Variants in ELMO3 observed in about 807,000 individuals in gnomAD.
ELMO3 encodes engulfment and cell motility 3.
In ELMO3, 81 loss-of-function variants were observed where a neutral mutation model predicts 89.0. The observed-to-expected ratio is 0.91, with a 90% confidence interval of 0.76 to 1.09. The LOEUF (loss-of-function observed/expected upper bound fraction) is 1.09. ELMO3 is among the 50% of genes least tolerant of loss of function. The pLI is 0.00. For synonymous variants in ELMO3, 406 were observed against 400.6 expected (o/e 1.01, Z -0.16); for missense variants, 959 against 972.8 (o/e 0.99, Z 0.19).
rs374851839 is a variant in ELMO3, at chr16:67,203,802, C to T, written c.2088C>T (p.Pro696=). The T allele has an allele frequency of 1.8e-4, 289 of 1,611,700 alleles. No individual in the cohort carries two copies. Among genetic ancestry groups the T allele is most frequent in the Non-Finnish European group, 2.2e-4 (256 of 1,179,432 alleles). The part of the protein sequence containing the change: ...RLLELENVPI[P]ERPPPVPPPP... ...TGGAGCTGGAGAACGTGCCCATCCC[C>T]GAGCGGCCACCCCCTGTGCCCCCAC... Residue 696 remains proline, a synonymous_variant, in exon 20 of 20, where the codon CCC becomes CCT. Transcript: ENST00000393997. The surrounding 1 kb of genome is among the most constrained non-coding windows in gnomAD (Gnocchi z 4.6).
chr16:67,200,728 T>C lies in ELMO3; in HGVS notation c.585T>C (p.Ser195=), dbSNP rs770715733. 4 of 1,613,274 alleles carry C rather than the reference T, an allele frequency of 2.5e-6. No homozygotes were observed. In the Admixed American group the frequency reaches 6.7e-5, roughly 27 times the overall value. The change falls in exon 7 of 20, where the codon AGT becomes AGC. Residue 195 remains serine (S), a synonymous_variant. Transcript: ENST00000393997. ...CCCTGGCCCTTGGGCTGCTGGAGAG[T>C]GTGACCTTGAGCAGCCCAGCCCTGG... The part of the protein sequence containing the change: ...VPPLALGLLE[S]VTLSSPALGQ...
Position 67,203,429 on chromosome 16 carries a change from G to C in ELMO3, c.1863+20G>C, listed in dbSNP as rs2142223187. 1.2e-6 allele frequency: 2 copies of C among 1,612,930 alleles called. No individual in the cohort carries two copies. The highest frequency in any genetic ancestry group is 4.5e-5 in the East Asian group (2 of 44,830). On this transcript the variant is annotated intron_variant, in intron 18 of 19. Coordinates refer to ENST00000393997, the MANE Select transcript of ELMO3 (RefSeq NM_024712.5). This position sits in a 1 kb window ranked among gnomAD's most constrained non-coding sequence, Gnocchi z 4.6. ...AACAAGGTGAGTACAGCGGGCCAGG[G>C]GCTCCTTCCCACCCGCCCCCGCCTA...
intron 14 of ELMO3, 28 bp from the exon 15 acceptor site, chr16:67,202,599 G>A: frequency 6.2e-7 from 1 of 1,612,998 alleles, no homozygotes; most frequent in South Asian, 1.1e-5. Context: ...CAGAGCTTAG[G>A]CCCTGAGCTG....
chr16:67,199,555 G>GA lies in ELMO3; in HGVS notation c.83dup (p.Pro29AlafsTer19). On this transcript the variant is annotated frameshift_variant, in exon 2 of 20. Transcript: ENST00000393997. LOFTEE classifies it high-confidence loss of function. ...GAGAATGACCACTCCACTTGCAGGC[G>GA]AAGCCCCTGGCCGCTGTGCTGAAGG... 2 of 1,605,910 alleles carry GA rather than the reference G, an allele frequency of 1.2e-6. No homozygotes were observed. The highest frequency in any genetic ancestry group is 1.7e-6 in the Non-Finnish European group (2 of 1,178,904).
rs201007264 is a variant in ELMO3, at chr16:67,203,164, A to G, written c.1721A>G (p.Gln574Arg). The G allele has an allele frequency of 3.7e-6, 6 of 1,612,404 alleles. No homozygotes were observed. The highest frequency in any genetic ancestry group is 1.7e-4 in the Middle Eastern group (1 of 6,058). Residue 574 changes from glutamine to arginine, a missense_variant, in exon 17 of 20, where the codon CAG (glutamine) becomes CGG (arginine). Physicochemically the swap from Gln to Arg is conservative, Grantham distance 43 (BLOSUM62 1). Transcript: ENST00000393997. The surrounding 1 kb of genome is among the most constrained non-coding windows in gnomAD (Gnocchi z 4.6). ...CTGTCCCCCAACCACAAGCTGCTGCAGTACGGAGACATGGAGGAGGGCGCC... is the reference window on the plus strand; with the variant it reads ...CTGTCCCCCAACCACAAGCTGCTGCGGTACGGAGACATGGAGGAGGGCGCC... ...CCLSPNHKLLQYGDMEEGASP... is the reference protein window; with the variant it reads ...CCLSPNHKLLRYGDMEEGASP...
rs1366777912 is a variant in ELMO3, at chr16:67,199,370, G to T, written c.44G>T (p.Arg15Leu). 1 of 1,608,960 alleles carries T rather than the reference G, an allele frequency of 6.2e-7. No homozygotes were observed. The change falls in exon 1 of 20, where the codon CGT becomes CTT. Residue 15 changes from arginine (R) to leucine (L), a missense_variant. Coordinates refer to ENST00000393997, the MANE Select transcript of ELMO3 (RefSeq NM_024712.5). ...RNVVKIAIKM[R>L]DAIPQLIQLD... ...GTGGTGAAGATTGCCATCAAGATGC[G>T]TGACGCCATCCCGCAGCTCATCCAG...
chr16:67,199,476 G>GGCCCCC, intron 1 of ELMO3, 72 bp downstream of exon 1: 40 of 1,503,438 alleles, frequency 2.7e-5, no homozygotes, highest in Non-Finnish European at 3.4e-5. Context: ...CCTCGGGGCA[G>GGCCCCC]CCCGCCCCAC....
At chr16:67,200,625 G>C in intron 6 of ELMO3, 32 bp from the exon 7 acceptor site, 3 of 1,609,692 alleles carry the variant, frequency 1.9e-6, no homozygotes, top group Non-Finnish European at 2.5e-6. Context: ...TCTTCCATGG[G>C]GGTGAGGTGG....
Position 67,201,444 on chromosome 16 carries a change from T to C in ELMO3, c.795+9T>C. ...GCCAGTTCATCTATAAGGTAGGAAG[T>C]GGTGGGCCAGGGGGACCTCTCTGCC... On this transcript the variant is annotated intron_variant, in intron 9 of 19. Transcript: ENST00000393997. 1.2e-6 allele frequency: 2 copies of C among 1,613,942 alleles called. No homozygotes were observed. Among genetic ancestry groups the C allele is most frequent in the Non-Finnish European group, 1.7e-6 (2 of 1,179,970 alleles).
At position 67,202,616 on chromosome 16, in the gene ELMO3, G is replaced by T; in HGVS notation, c.1399-11G>T. ...GAGCTTAGGCCCTGAGCTGAGCTTG[G>T]GCGGCCCCAGGTCATGCAGGTGGTG... On this transcript the variant is annotated splice_polypyrimidine_tract_variant and intron_variant, in intron 14 of 19. Coordinates refer to ENST00000393997, the MANE Select transcript of ELMO3 (RefSeq NM_024712.5). 1 of 1,613,258 alleles carries T rather than the reference G, an allele frequency of 6.2e-7. No homozygotes were observed. Among genetic ancestry groups the T allele is most frequent in the Non-Finnish European group, 8.5e-7 (1 of 1,179,910 alleles).
chr16:67,200,101 C>A, intron 4 of ELMO3, 91 bp from the exon 5 acceptor site: 1 of 1,572,438 alleles, frequency 6.4e-7, no homozygotes, highest in Non-Finnish European at 8.6e-7. Context: ...TGCCTTGCGC[C>A]ACCTAGTTGA....
At position 67,200,768 on chromosome 16, in the gene ELMO3, A is replaced by G; in HGVS notation, c.625A>G (p.Ser209Gly). The G allele has an allele frequency of 6.2e-7, 1 of 1,613,570 alleles. No individual in the cohort carries two copies. Among genetic ancestry groups the G allele is most frequent in the East Asian group, 2.2e-5 (1 of 44,858 alleles). The change falls in exon 7 of 20, where the codon AGC becomes GGC. Residue 209 changes from serine to glycine, a missense_variant. By Grantham distance (56) the Ser-to-Gly change is moderately conservative (BLOSUM62 0). Coordinates refer to ENST00000393997, the MANE Select transcript of ELMO3 (RefSeq NM_024712.5). The stretch of plus-strand genomic sequence containing the variant: ...CCCAGCCCTGGGCCAGCTGGTCAAG[A>G]GCGAGGTGCCCCTGGATAGGCTGCT... ...SSPALGQLVK[S>G]EVPLDRLLVH... is the part of the protein sequence containing the mutation.
chr16:67,200,857 T>C, intron 7 of ELMO3, 33 bp from the exon 8 acceptor site: 2 of 1,613,574 alleles, frequency 1.2e-6, no homozygotes, highest in Non-Finnish European at 1.7e-6. Flanking sequence ...GGCTGGAGCC[T>C]GAATGTTCCA....
In ELMO3 at chr16:67,200,923, C is replaced by A. The variant is rs1165374928; in HGVS notation, c.699C>A (p.Ala233=). 6.2e-7 allele frequency: 1 copy of A among 1,612,912 alleles called. No individual in the cohort carries two copies. The highest frequency in any genetic ancestry group is 1.3e-5 in the African/African-American group (1 of 74,992). ...AGCAGCTGCAAACCAAGGCCATGGC[C>A]CTGCTGACAGCCTTGCTGCAGGGGG... is the stretch of plus-strand genomic sequence containing the variant. ...MNQQLQTKAM[A]LLTALLQGAS... Residue 233 remains alanine, a synonymous_variant, in exon 8 of 20, where the codon GCC becomes GCA. Coordinates refer to ENST00000393997, the MANE Select transcript of ELMO3 (RefSeq NM_024712.5).
At position 67,200,231 on chromosome 16, in the gene ELMO3, AAC is replaced by A. The variant is rs753663503; in HGVS notation, c.285_286del (p.Asn95LysfsTer3). 2.1e-4 allele frequency: 342 copies of A among 1,613,384 alleles called. No individual in the cohort carries two copies. The highest frequency in any genetic ancestry group is 2.8e-4 in the Non-Finnish European group (326 of 1,179,942). On this transcript the variant is annotated frameshift_variant, in exon 5 of 20. Transcript: ENST00000393997. LOFTEE classifies it high-confidence loss of function. ...GCAGCTCTTGGGTGGGCTGCAGAGT[AAC>A]AGTCCTGAAGGGCGCCGGGAAGCCC... ...AEQLLGGLQSNSPEGRREALR... is the reference protein window; with the variant it reads ...AEQLLGGLQSXSPEGRREALR...
rs546704790 is a variant in ELMO3, at chr16:67,201,989, G to A, written c.1063G>A (p.Ala355Thr). The change falls in exon 12 of 20, where the codon GCA (alanine) becomes ACA (threonine). Residue 355 changes from alanine (A) to threonine (T), a missense_variant. Ala to Thr is a moderately conservative substitution (Grantham distance 58). Coordinates refer to ENST00000393997, the MANE Select transcript of ELMO3 (RefSeq NM_024712.5). ...CCACTTCCCCCAGAACAGCAACCCA[G>A]CACAGGACCTGGAGCGCGTGCCCCC... ...RKLGFSNSNPAQDLERVPPGL... is the reference protein window; with the variant it reads ...RKLGFSNSNPTQDLERVPPGL... 76 of 1,613,026 alleles carry A rather than the reference G, an allele frequency of 4.7e-5. No homozygotes were observed. The South Asian group carries it at 7.9e-4, about 17-fold the overall frequency.
rs746647149 is a variant in ELMO3 at position 67,200,173 on chromosome 16, C to G, written c.244-19C>G. 1 of 1,607,144 alleles carries G rather than the reference C, an allele frequency of 6.2e-7. No individual in the cohort carries two copies. Among genetic ancestry groups the G allele is most frequent in the East Asian group, 2.2e-5 (1 of 44,706 alleles). Reference sequence around the variant, plus strand: ...CATGCCCAGCCTCTTCACCTCTGCTCCTGCTCCGTTCCTGCCAGGACCTTG... The same window carrying G: ...CATGCCCAGCCTCTTCACCTCTGCTGCTGCTCCGTTCCTGCCAGGACCTTG... On this transcript the variant is annotated intron_variant, in intron 4 of 19. Coordinates refer to ENST00000393997, the MANE Select transcript of ELMO3 (RefSeq NM_024712.5).
In ELMO3 at chr16:67,203,895, G is replaced by A. The variant is rs909752472; in HGVS notation, c.*18G>A. 4 of 1,536,744 alleles carry A rather than the reference G, an allele frequency of 2.6e-6. No homozygotes were observed. The African/African-American group carries it at 4.1e-5, about 16-fold the overall frequency. On this transcript the variant is annotated 3_prime_UTR_variant, in exon 20 of 20. Coordinates refer to ENST00000393997, the MANE Select transcript of ELMO3 (RefSeq NM_024712.5). This position sits in a 1 kb window ranked among gnomAD's most constrained non-coding sequence, Gnocchi z 4.6. ...AACCTTGACAGTGTGGCTGGCCATG[G>A]GCCACAGCTGCGGCCACTGCAGCAG...
At position 67,199,586 on chromosome 16, in the gene ELMO3, T is replaced by A; in HGVS notation, c.112T>A (p.Cys38Ser). The change falls in exon 2 of 20, where the codon TGC becomes AGC. Residue 38 changes from cysteine (C) to serine (S), a missense_variant. Coordinates refer to ENST00000393997, the MANE Select transcript of ELMO3 (RefSeq NM_024712.5). ...KPLAAVLKEV[C>S]DAWSLTHSER... Reference sequence around the variant, plus strand: ...CCTGGCCGCTGTGCTGAAGGAGGTGTGCGACGCGTGAGTGCTGCCGGGCCA... The same window carrying A: ...CCTGGCCGCTGTGCTGAAGGAGGTGAGCGACGCGTGAGTGCTGCCGGGCCA... 1 of 1,608,732 alleles carries A rather than the reference T, an allele frequency of 6.2e-7. No individual in the cohort carries two copies. Among genetic ancestry groups the A allele is most frequent in the Non-Finnish European group, 8.5e-7 (1 of 1,179,184 alleles).
Sources: allele counts gnomAD v4.1 joint callset, GRCh38; gene constraint gnomAD v4.1.1; non-coding constraint Gnocchi (gnomAD v3.1); transcripts MANE v1.5; gene names NCBI Gene and HGNC (gene_info 2026-07-23, HGNC 2026-07-21).